The following RELN variants were observed in gnomAD, a reference collection of about 807,000 sequenced individuals.
The protein encoded by RELN is reelin.
In RELN, 108 loss-of-function variants were observed where a neutral mutation model predicts 427.6. That is an observed-to-expected ratio of 0.25 (90% CI 0.22 to 0.30). The LOEUF is 0.30. RELN is among the 10% of genes least tolerant of loss of function. RELN has a pLI of 1.00. For missense variants in RELN, 3,715 were observed against 4,302.8 expected (o/e 0.86, Z 3.82); for synonymous variants, 1,524 against 1,513.4 (o/e 1.01, Z -0.16).
At chr7:103,935,033 A>G (rs972908770) in intron 1 of RELN, among the ~76,000 whole-genome samples, 5 of 152,210 alleles carry the variant, frequency 3.3e-5, no homozygotes, top group African/African-American at 1.2e-4. Flanking sequence ...TCAGACTGAC[A>G]TGTTTCTTTA....
chr7:103,790,344 T>G (rs965220129), intron 3 of RELN, among the ~76,000 whole-genome samples: 2 of 152,044 alleles, frequency 1.3e-5, no homozygotes, highest in Non-Finnish European at 2.9e-5. Flanking sequence ...AATAAAATAA[T>G]ATTCCACTGG....
At chr7:103,643,962 C>T (rs1832745469) in intron 16 of RELN, among the ~76,000 whole-genome samples, 1 of 151,788 alleles carries the variant, frequency 6.6e-6, no homozygotes, top group Admixed American at 6.6e-5. Context: ...CCCAGTACAT[C>T]ACTACTACAA....
chr7:103,755,623 A>T (rs369832921), intron 4 of RELN, among the ~76,000 whole-genome samples: 81,726 of 137,484 alleles, frequency 0.59, 24,311 homozygotes, highest in African/African-American at 0.65. Context: ...AAAAATAAAA[A>T]AAATAAAATA....
At chr7:103,596,765 T>C in intron 24 of RELN, 104 bp from the exon 25 acceptor site, 2 of 967,330 alleles carry the variant, frequency 2.1e-6, no homozygotes, top group Non-Finnish European at 3.3e-6. Context: ...TATGTGGAAA[T>C]GGTCTCGTCC....
intron 2 of RELN, among the ~76,000 whole-genome samples, chr7:103,891,724 C>T (rs1375960176): frequency 6.6e-6 from 1 of 152,144 alleles, no homozygotes; most frequent in East Asian, 1.9e-4. Context: ...TCTCATGTTA[C>T]TATCTATTCA....
At chr7:103,524,268 G>C (rs1829774583) in intron 46 of RELN, among the ~76,000 whole-genome samples, 1 of 152,088 alleles carries the variant, frequency 6.6e-6, no homozygotes, top group Non-Finnish European at 1.5e-5. Flanking sequence ...CATTTGGCTT[G>C]GGAACAGAAC....
rs77129405 is a variant in RELN at position 103,591,600 on chromosome 7, A to G, written c.3913-1772T>C. 4.3e-3 allele frequency among the ~76,000 whole-genome samples: 660 copies of G among 152,290 alleles called. 6 individuals carry two copies. The highest frequency in any genetic ancestry group is 0.015 in the African/African-American group (628 of 41,552). ...GCATGATTAAACTCTTCTAACACAA[A>G]TTCCTTTTACTGCATTATTCAATAG... On this transcript the variant is annotated intron_variant, in intron 27 of 64. Transcript: ENST00000428762.
intron 11 of RELN, among the ~76,000 whole-genome samples, chr7:103,667,922 T>C (rs974562225): frequency 4.6e-5 from 7 of 152,160 alleles, no homozygotes; most frequent in African/African-American, 1.7e-4. Context: ...AAAGGAGATA[T>C]GTGAATTATT....
At chr7:103,508,092 T>C (rs1286325953) in intron 51 of RELN, among the ~76,000 whole-genome samples, 4 of 152,186 alleles carry the variant, frequency 2.6e-5, no homozygotes, top group Admixed American at 6.5e-5. Flanking sequence ...CACAGCTGTA[T>C]TCTACCAGAG....
intron 1 of RELN, among the ~76,000 whole-genome samples, chr7:103,931,928 A>G (rs1311915766): frequency 2.0e-5 from 3 of 152,162 alleles, no homozygotes; most frequent in Non-Finnish European, 4.4e-5. Flanking sequence ...GACACAATAC[A>G]CTGTTGGAGG....
chr7:103,778,858 T>G (rs544019493), intron 3 of RELN, among the ~76,000 whole-genome samples: 2 of 152,204 alleles, frequency 1.3e-5, no homozygotes, highest in African/African-American at 2.4e-5. Context: ...CAATGAATAA[T>G]AGAGAGGAGC....
chr7:103,841,387 T>C (rs1036383332), intron 2 of RELN, among the ~76,000 whole-genome samples: 12 of 152,182 alleles, frequency 7.9e-5, no homozygotes, highest in African/African-American at 2.9e-4. Context: ...TATCAAATAT[T>C]TGTCTTCTTT....
intron 6 of RELN, among the ~76,000 whole-genome samples, chr7:103,733,939 A>AT (rs1295012622): frequency 8.8e-6 from 1 of 113,820 alleles, no homozygotes; most frequent in Admixed American, 8.5e-5. Context: ...TTAAAGTATA[A>AT]TAAAAAAAAA....
At chr7:103,914,979 C>T (rs1417254161) in intron 2 of RELN, among the ~76,000 whole-genome samples, 4 of 152,172 alleles carry the variant, frequency 2.6e-5, no homozygotes, top group Non-Finnish European at 5.9e-5. Context: ...GCCTAAAACA[C>T]TCAATGCCTT....
At chr7:103,607,535 A>T (rs1261475465) in intron 22 of RELN, among the ~76,000 whole-genome samples, 1 of 152,184 alleles carries the variant, frequency 6.6e-6, no homozygotes, top group Non-Finnish European at 1.5e-5. Context: ...CTTTGGATTG[A>T]GTCTGAAGGC....
At chr7:103,538,238 A>C (rs362743) in intron 45 of RELN, among the ~76,000 whole-genome samples, 1 of 152,008 alleles carries the variant, frequency 6.6e-6, no homozygotes, top group East Asian at 1.9e-4. Flanking sequence ...AAAATAACCA[A>C]ATTCCTCAAA....
rs1832185636 is a variant in RELN at position 103,620,202 on chromosome 7, C to T, written c.2703-8399G>A. Among the ~76,000 whole-genome samples the T allele has an allele frequency of 6.6e-6, 1 of 152,174 alleles. No homozygotes were observed. Among genetic ancestry groups the T allele is most frequent in the Admixed American group, 6.5e-5 (1 of 15,274 alleles). On this transcript the variant is annotated intron_variant, in intron 20 of 64. Coordinates refer to ENST00000428762, the MANE Select transcript of RELN (RefSeq NM_005045.4). The surrounding 1 kb of genome is among the most constrained non-coding windows in gnomAD (Gnocchi z 4.1). Reference sequence around the variant, plus strand: ...CTTTTGCTTGACTCTCATTTTGTCTCATCTGCTGCCATGTAAGACGTGCCT... The same window carrying T: ...CTTTTGCTTGACTCTCATTTTGTCTTATCTGCTGCCATGTAAGACGTGCCT...
rs1253939486 is a variant in RELN, at chr7:103,878,533, AG to A, written c.337+38541del. 3.3e-5 allele frequency among the ~76,000 whole-genome samples: 5 copies of A among 152,248 alleles called. No homozygotes were observed. In the East Asian group the frequency reaches 9.7e-4, roughly 29 times the overall value. On this transcript the variant is annotated intron_variant, in intron 2 of 64. Coordinates refer to ENST00000428762, the MANE Select transcript of RELN (RefSeq NM_005045.4). ...CTAGAAACAAGAGTAGGTGTTCACT[AG>A]AGACCTCACCTGGGGCGCTGACTAG...
intron 2 of RELN, 149 bp from the exon 3 acceptor site, chr7:103,833,821 A>T: frequency 1.3e-6 from 1 of 752,672 alleles, no homozygotes; most frequent in Admixed American, 2.1e-5. Context: ...TTCACTTTTT[A>T]TTGCTACAGG....
Sources: gnomAD v4.1 joint callset for allele counts (sites outside exome capture counted in the v4.1 genomes callset) on GRCh38, gnomAD v4.1.1 for gene constraint, Gnocchi (gnomAD v3.1) non-coding constraint, MANE v1.5 for transcripts, NCBI Gene and HGNC (gene_info 2026-07-23, HGNC 2026-07-21) for gene names.